The following INO80D variants were observed in gnomAD, a reference collection of about 807,000 sequenced individuals.
INO80D encodes the protein INO80 complex subunit D.
A neutral mutation model predicts 87.6 loss-of-function variants in INO80D; 21 were observed. The observed-to-expected ratio is 0.24, with a 90% confidence interval of 0.17 to 0.35. INO80D has a LOEUF of 0.35. INO80D is among the 10% of genes least tolerant of loss of function. The pLI is 1.00. For missense variants in INO80D, 982 were observed against 1,280.7 expected, an observed-to-expected ratio of 0.77 and a Z score of 3.56; for synonymous variants, 440 against 491.0, an observed-to-expected ratio of 0.90 and a Z score of 1.37.
intron 5 of INO80D, among the ~76,000 whole-genome samples, chr2:206,029,457 G>T (rs1399089548): frequency 6.6e-6 from 1 of 152,166 alleles, no homozygotes; most frequent in Non-Finnish European, 1.5e-5. Flanking sequence ...AATGCCCACT[G>T]GACTTGAAAA....
chr2:206,067,017 G>A (rs900392554), intron 1 of INO80D, among the ~76,000 whole-genome samples: 3 of 152,124 alleles, frequency 2.0e-5, no homozygotes, highest in African/African-American at 7.2e-5. Flanking sequence ...GGAGGCCAAG[G>A]CAGGTGGAAC....
chr2:206,055,951 G>C (rs1689505383), intron 4 of INO80D, among the ~76,000 whole-genome samples: 1 of 152,166 alleles, frequency 6.6e-6, no homozygotes. Context: ...TTTATATCAG[G>C]ATCTTGAGTA....
chr2:206,083,366 AT>A (rs1416909075), intron 1 of INO80D, among the ~76,000 whole-genome samples: 2 of 152,170 alleles, frequency 1.3e-5, no homozygotes, highest in African/African-American at 4.8e-5. Context: ...ACTAAGAATG[AT>A]TTTTTTCCAT....
chr2:206,020,919 G>A (rs558356961), intron 6 of INO80D, among the ~76,000 whole-genome samples: 32 of 152,176 alleles, frequency 2.1e-4, no homozygotes, highest in African/African-American at 7.5e-4. Flanking sequence ...CACTTTGGGA[G>A]GCAGAGGAGG....
At chr2:206,069,993 G>A (rs1280270892) in intron 1 of INO80D, among the ~76,000 whole-genome samples, 1 of 152,154 alleles carries the variant, frequency 6.6e-6, no homozygotes, top group East Asian at 1.9e-4. Context: ...ACATACGTTG[G>A]CCAGGTATGA....
Position 206,009,724 on chromosome 2 carries a change from G to T in INO80D, c.1613C>A (p.Thr538Asn). The change falls in exon 9 of 11, where the codon ACC becomes AAC. Residue 538 changes from threonine (T) to asparagine (N), a missense_variant. Coordinates refer to ENST00000403263, the MANE Select transcript of INO80D (RefSeq NM_017759.5). ...HQQQRKPRKK[T>N]KPPALTKKHK... Reference sequence around the variant, plus strand: ...TTTTTTGGTTAGTGCAGGAGGCTTGGTTTTTTTCCTGGGTTTCCTCTGCTG... The same window carrying T: ...TTTTTTGGTTAGTGCAGGAGGCTTGTTTTTTTTCCTGGGTTTCCTCTGCTG... The T allele has an allele frequency of 6.2e-7, 1 of 1,613,860 alleles. No individual in the cohort carries two copies. Among genetic ancestry groups the T allele is most frequent in the Non-Finnish European group, 8.5e-7 (1 of 1,179,844 alleles).
chr2:206,076,106 T>TA (rs1225028648), intron 1 of INO80D, among the ~76,000 whole-genome samples: 1 of 146,454 alleles, frequency 6.8e-6, no homozygotes, highest in Non-Finnish European at 1.5e-5. Context: ...CATACCGTAA[T>TA]ACCAGAAGGT....
rs1198552976 is a variant in INO80D, at chr2:206,003,139, A to G, written c.*1229T>C. On this transcript the variant is annotated 3_prime_UTR_variant, in exon 11 of 11. Transcript: ENST00000403263. ...AAGGACCAAAGGGCGAATAAAATTT[A>G]TATCTAATTTCCATATTCTGCTTTG... 6.6e-6 allele frequency: 1 copy of G among 152,228 alleles called. No homozygotes were observed. The highest frequency in any genetic ancestry group is 1.9e-4 in the East Asian group (1 of 5,196). 9.4% of individuals were successfully genotyped at this position (152,228 alleles called of 1,614,324 possible).
intron 9 of INO80D, among the ~76,000 whole-genome samples, chr2:206,008,750 C>T (rs900494381): frequency 1.2e-4 from 18 of 152,186 alleles, no homozygotes; most frequent in Non-Finnish European, 2.5e-4. Flanking sequence ...ACAACAACTA[C>T]TAGGTAATAC....
intron 1 of INO80D, among the ~76,000 whole-genome samples, chr2:206,067,889 G>C (rs1689861992): frequency 6.6e-6 from 1 of 152,188 alleles, no homozygotes; most frequent in African/African-American, 2.4e-5. Context: ...GTTGCAGTGT[G>C]CCGAGATCGT....
chr2:206,058,924 A>G (rs1340467014), intron 3 of INO80D, among the ~76,000 whole-genome samples: 2 of 151,846 alleles, frequency 1.3e-5, no homozygotes, highest in African/African-American at 4.8e-5. Context: ...TCCCAAAGTT[A>G]TTTGAAAATG....
intron 4 of INO80D, among the ~76,000 whole-genome samples, chr2:206,050,496 GAA>G (rs3079265): frequency 2.4e-3 from 237 of 99,534 alleles, no homozygotes; most frequent in African/African-American, 0.011. Context: ...CGTCTCAAAA[GAA>G]AAAAAAAAAA....
chr2:206,051,678 A>G (rs1689375151), intron 4 of INO80D, among the ~76,000 whole-genome samples: 1 of 151,968 alleles, frequency 6.6e-6, no homozygotes, highest in Admixed American at 6.6e-5. Context: ...TTTAATTTAA[A>G]TTTTAAAAAA....
In INO80D at chr2:206,019,837, C is replaced by T. The variant is rs537012182; in HGVS notation, c.1307G>A (p.Arg436Gln). 3.8e-5 allele frequency: 61 copies of T among 1,613,334 alleles called. 1 individual carries two copies. In the South Asian group the frequency reaches 4.7e-4, roughly 13 times the overall value. ...RAACSRTSIS[R>Q]TKLREVEPAA... ...TGGTTCCACCTCCCTCAGCTTGGTC[C>T]GGCTTATGCTAAGGAAAGAAAAACA... The change falls in exon 7 of 11, where the codon CGG becomes CAG. Residue 436 changes from arginine (R) to glutamine (Q), a missense_variant. By Grantham distance (43) the Arg-to-Gln change is conservative (BLOSUM62 1). Coordinates refer to ENST00000403263, the MANE Select transcript of INO80D (RefSeq NM_017759.5).
intron 1 of INO80D, chr2:206,084,529 C>G (rs1690382008): frequency 1.3e-5 from 2 of 152,286 alleles, no homozygotes; most frequent in African/African-American, 4.8e-5. Context: ...TCCAAGCCAT[C>G]TGACAACCAC....
At chr2:206,017,410 T>A (rs181453862) in intron 8 of INO80D, among the ~76,000 whole-genome samples, 1 of 152,210 alleles carries the variant, frequency 6.6e-6, no homozygotes, top group Non-Finnish European at 1.5e-5. Flanking sequence ...GGGCCTTCGA[T>A]TGAAGTTTCA....
Position 206,085,013 on chromosome 2 carries a change from TGGGGCGCGGGCGA to T in INO80D, c.-124+875_-124+887del, listed in dbSNP as rs1009539017. Among the ~76,000 whole-genome samples the T allele has an allele frequency of 6.6e-6, 1 of 151,380 alleles. No homozygotes were observed. Among genetic ancestry groups the T allele is most frequent in the African/African-American group, 2.4e-5 (1 of 41,178 alleles). On this transcript the variant is annotated intron_variant, in intron 1 of 10. Transcript: ENST00000403263. The surrounding 1 kb of genome is among the most constrained non-coding windows in gnomAD (Gnocchi z 4.5). ...CCGAATGGGCTCGCGGGGAGTTGGG[TGGGGCGCGGGCGA>T]GGGGTGCAGGGGCGGAGTACCTTCT...
At position 206,000,073 on chromosome 2, in the gene INO80D, A is replaced by G. The variant is rs748184372; in HGVS notation, c.*4295T>C. ...ATACAAATGAGGACTGTTCAGTATG[A>G]TGAAATTTTCTTTCAAGGAATCCTC... On this transcript the variant is annotated 3_prime_UTR_variant, in exon 11 of 11. Transcript: ENST00000403263. The G allele has an allele frequency of 6.6e-6, 1 of 152,150 alleles. No homozygotes were observed. Among genetic ancestry groups the G allele is most frequent in the Non-Finnish European group, 1.5e-5 (1 of 68,020 alleles). The allele number at this position is 152,150 out of a possible 1,614,324, so 9.4% of individuals were successfully genotyped here.
Position 206,027,156 on chromosome 2 carries a change from G to GCACACACA in INO80D, c.1298+947_1298+954dup, listed in dbSNP as rs34673264. Among the ~76,000 whole-genome samples the GCACACACA allele has an allele frequency of 6.1e-3, 920 of 151,294 alleles. 12 individuals carry two copies. Among genetic ancestry groups the GCACACACA allele is most frequent in the African/African-American group, 0.019 (804 of 41,270 alleles). On this transcript the variant is annotated intron_variant, in intron 6 of 10. Transcript: ENST00000403263. ...AATTTACACACGCACGCGCGCACGCGCACACACACACACACACACACAGAG... is the reference window on the plus strand; with the variant it reads ...AATTTACACACGCACGCGCGCACGCGCACACACACACACACACACACACACACACAGAG...
Sources: allele counts gnomAD v4.1 joint callset (sites outside exome capture counted in the v4.1 genomes callset), GRCh38; gene constraint gnomAD v4.1.1; non-coding constraint Gnocchi (gnomAD v3.1); transcripts MANE v1.5; gene names NCBI Gene and HGNC (gene_info 2026-07-23, HGNC 2026-07-21).